Variants in IL1RAPL1 observed in about 807,000 individuals in gnomAD.
IL1RAPL1 encodes interleukin 1 receptor accessory protein like 1.
Under a neutral mutation model 48.4 loss-of-function variants are expected in IL1RAPL1, and 3 were observed. The ratio of observed to expected loss-of-function variants is 0.06; its 90% CI spans 0.03 to 0.16. The LOEUF (loss-of-function observed/expected upper bound fraction) is 0.16. Ranked by LOEUF, IL1RAPL1 falls within the 10% of genes least tolerant of loss-of-function variation. The probability of loss-of-function intolerance (pLI) is 1.00; values close to 1 mark genes in which losing one functional copy is unlikely to be tolerated. For missense variants in IL1RAPL1, 349 were observed against 530.6 expected, an observed-to-expected ratio of 0.66 and a Z score of 3.36; for synonymous variants, 185 against 187.7, an observed-to-expected ratio of 0.99 and a Z score of 0.12.
intron 2 of IL1RAPL1, among the ~76,000 whole-genome samples, chrX:29,248,853 C>T (rs769892392): frequency 1.8e-5 from 2 of 111,577 alleles, no homozygotes; most frequent in Admixed American, 1.9e-4. Flanking sequence ...ACATTCATGC[C>T]GTTGTGTGTC....
At position 29,415,493 on chromosome X, in the gene IL1RAPL1, C is replaced by T. The variant is rs756098473; in HGVS notation, c.703+16185C>T. Among the ~76,000 whole-genome samples the T allele has an allele frequency of 8.2e-5, 9 of 110,285 alleles. 1 individual carries two copies. ...GGAGTGCAGTGGTGCAATCTCGGCT[C>T]ACTGCAACCTCTGCCTCCCGGGTTC... On this transcript the variant is annotated intron_variant, in intron 5 of 10. Coordinates refer to ENST00000378993, the MANE Select transcript of IL1RAPL1 (RefSeq NM_014271.4).
At chrX:29,718,111 G>A (rs1015334934) in intron 6 of IL1RAPL1, among the ~76,000 whole-genome samples, 3 of 111,632 alleles carry the variant, frequency 2.7e-5, no homozygotes, top group Admixed American at 9.6e-5. Context: ...GGATTGTCAC[G>A]GATAAGGTCG....
chrX:29,562,106 TATCTATCTA>T lies in IL1RAPL1; in HGVS notation c.704-106314_704-106306del, dbSNP rs1222886189. ...TAATCTATCTGTCTATCTATCTATC[TATCTATCTA>T]ATCTATCTATCTATCTATCTATCTA... On this transcript the variant is annotated intron_variant, in intron 5 of 10. Coordinates refer to ENST00000378993, the MANE Select transcript of IL1RAPL1 (RefSeq NM_014271.4). Among the ~76,000 whole-genome samples the T allele has an allele frequency of 4.5e-3, 365 of 80,989 alleles. 1 individual carries two copies. The highest frequency in any genetic ancestry group is 0.021 in the African/African-American group (350 of 16,583). 70.3% of individuals were successfully genotyped at this position (80,989 alleles called of 115,157 possible). A position where few individuals can be genotyped will look rare whatever the true frequency, so the allele number is the denominator to read the frequency against.
chrX:29,658,368 G>A lies in IL1RAPL1; in HGVS notation c.704-10062G>A, dbSNP rs138084514. Among the ~76,000 whole-genome samples the A allele has an allele frequency of 6.5e-3, 726 of 111,518 alleles. 4 individuals carry two copies. Among genetic ancestry groups the A allele is most frequent in the African/African-American group, 0.023 (693 of 30,689 alleles). ...TTAACATTATCTCCATGTTGACCAC[G>A]GTTTCCTTTGGTATTCTTGAGTAAT... On this transcript the variant is annotated intron_variant, in intron 5 of 10. Coordinates refer to ENST00000378993, the MANE Select transcript of IL1RAPL1 (RefSeq NM_014271.4).
chrX:29,631,424 A>G (rs1924772146), intron 5 of IL1RAPL1, among the ~76,000 whole-genome samples: 1 of 110,806 alleles, frequency 9.0e-6, no homozygotes, highest in Admixed American at 9.6e-5. Flanking sequence ...TACGTGTGCC[A>G]CCATGCCCAG....
intron 6 of IL1RAPL1, among the ~76,000 whole-genome samples, chrX:29,815,858 A>T (rs944071119): frequency 9.0e-6 from 1 of 111,331 alleles, no homozygotes; most frequent in South Asian, 3.8e-4. Context: ...ATGATCATAT[A>T]GTTTTTGTTT....
intron 6 of IL1RAPL1, among the ~76,000 whole-genome samples, chrX:29,720,658 C>T (rs1467162128): frequency 9.0e-6 from 1 of 110,602 alleles, no homozygotes; most frequent in African/African-American, 3.3e-5. Flanking sequence ...ATGTAGATAA[C>T]GGGTTGATGG....
At chrX:29,175,113 GA>G (rs1929988882) in intron 2 of IL1RAPL1, among the ~76,000 whole-genome samples, 1 of 105,509 alleles carries the variant, frequency 9.5e-6, no homozygotes. Context: ...TAGAAAAAAA[GA>G]AAGGATCCAG....
intron 1 of IL1RAPL1, among the ~76,000 whole-genome samples, chrX:28,764,955 A>G (rs1448887319): frequency 1.8e-5 from 2 of 110,800 alleles, no homozygotes; most frequent in Non-Finnish European, 3.8e-5. Context: ...CATATACAGC[A>G]TGGAATACTA....
At chrX:28,783,272 A>AT (rs1393221072) in intron 1 of IL1RAPL1, among the ~76,000 whole-genome samples, 1 of 112,205 alleles carries the variant, frequency 8.9e-6, no homozygotes, top group African/African-American at 3.2e-5. Context: ...GCACAGATGC[A>AT]TTTTGGATAA....
intron 2 of IL1RAPL1, among the ~76,000 whole-genome samples, chrX:28,838,905 G>T (rs1378958848): frequency 9.0e-6 from 1 of 110,866 alleles, no homozygotes; most frequent in East Asian, 2.8e-4. Context: ...ACTGAAATAC[G>T]CACATTAATT....
At chrX:28,837,559 G>A (rs1379100355) in intron 2 of IL1RAPL1, among the ~76,000 whole-genome samples, 1 of 109,478 alleles carries the variant, frequency 9.1e-6, no homozygotes, top group Non-Finnish European at 1.9e-5. Flanking sequence ...TTCATGCCCT[G>A]TTCCTCATAA....
intron 3 of IL1RAPL1, among the ~76,000 whole-genome samples, chrX:29,284,608 G>A (rs1256633359): frequency 9.0e-6 from 1 of 111,538 alleles, no homozygotes; most frequent in East Asian, 2.8e-4. Context: ...AGCCGAGGAT[G>A]GTGGCACGTG....
intron 2 of IL1RAPL1, among the ~76,000 whole-genome samples, chrX:28,833,693 T>G (rs1423346434): frequency 8.9e-6 from 1 of 111,920 alleles, no homozygotes; most frequent in Admixed American, 9.5e-5. Flanking sequence ...TTTAGAAAAT[T>G]TCTAAGCTTT....
rs747182215 is a variant in IL1RAPL1 at position 29,374,286 on chromosome X, CTTTTTTTTTTTTTT to C, written c.363-21958_363-21945del. Among the ~76,000 whole-genome samples the C allele has an allele frequency of 1.7e-3, 8 of 4,755 alleles. No individual in the cohort carries two copies. In the East Asian group the frequency reaches 0.023, roughly 14 times the overall value. 4.1% of individuals were successfully genotyped at this position (4,755 alleles called of 115,157 possible). ...ATCCAGGGCTTTTTCTGGTTGGTTG[CTTTTTTTTTTTTTT>C]TTTTTTTTTTTTTAACATTGAGGAG... On this transcript the variant is annotated intron_variant, in intron 3 of 10. Transcript: ENST00000378993.
chrX:28,598,927 C>T (rs1356649469), intron 1 of IL1RAPL1, among the ~76,000 whole-genome samples: 4 of 108,194 alleles, frequency 3.7e-5, no homozygotes, highest in African/African-American at 6.7e-5. Flanking sequence ...CGCACCCAGC[C>T]GAGAAATTTG....
At chrX:28,857,305 C>G (rs767315902) in intron 2 of IL1RAPL1, among the ~76,000 whole-genome samples, 1 of 112,116 alleles carries the variant, frequency 8.9e-6, no homozygotes, top group African/African-American at 3.2e-5. Flanking sequence ...AGCAAGTTGT[C>G]TGGATCTAGG....
chrX:29,822,636 A>G (rs1003730826), intron 6 of IL1RAPL1, among the ~76,000 whole-genome samples: 2 of 111,279 alleles, frequency 1.8e-5, no homozygotes, highest in African/African-American at 6.5e-5. Context: ...GAATCGACAT[A>G]TATTTGTTCA....
chrX:28,597,747 A>G (rs1271319120), intron 1 of IL1RAPL1, among the ~76,000 whole-genome samples: 2 of 110,427 alleles, frequency 1.8e-5, no homozygotes, highest in African/African-American at 6.6e-5. Flanking sequence ...ATAAATAAAT[A>G]AGCAAACAAA....
Sources: gnomAD v4.1 joint callset for allele counts (sites outside exome capture counted in the v4.1 genomes callset) on GRCh38, gnomAD v4.1.1 for gene constraint, MANE v1.5 for transcripts, NCBI Gene and HGNC (gene_info 2026-07-23, HGNC 2026-07-21) for gene names.